The following ADAMTS6 variants were observed in gnomAD, a reference collection of about 807,000 sequenced individuals.
ADAMTS6 encodes the protein A disintegrin and metalloproteinase with thrombospondin motifs 6.
Under a neutral mutation model 144.3 loss-of-function variants are expected in ADAMTS6, and 23 were observed. The observed-to-expected ratio is 0.16, with a 90% CI of 0.11 to 0.23. The LOEUF is 0.23. ADAMTS6 is among the 10% of genes least tolerant of loss of function. The pLI, the probability that ADAMTS6 is intolerant of heterozygous loss-of-function variation, is 1.00. For synonymous variants in ADAMTS6, 444 were observed against 457.5 expected (o/e 0.97, Z 0.38); for missense variants, 999 against 1,379.6 (o/e 0.72, Z 4.37).
At chr5:65,170,397 T>G (rs1449413917) in intron 24 of ADAMTS6, among the ~76,000 whole-genome samples, 1 of 152,204 alleles carries the variant, frequency 6.6e-6, no homozygotes, top group African/African-American at 2.4e-5. Context: ...ATAGATAAAC[T>G]TAGCTCCAGA....
rs565636124 is a variant in ADAMTS6, at chr5:65,226,378, T to C, written c.1934-159A>G. Among the ~76,000 whole-genome samples, 4 of 152,262 alleles carry C rather than the reference T, an allele frequency of 2.6e-5. No homozygotes were observed. In the South Asian group the frequency reaches 8.3e-4, roughly 32 times the overall value. On this transcript the variant is annotated intron_variant, in intron 15 of 24. Transcript: ENST00000381055. ...TTCCCCCTTTTCTAAAATTTCACCT[T>C]TATTTTAATTGGTGGTGCAACTTAA...
chr5:65,408,000 C>T (rs1164809731), intron 7 of ADAMTS6, among the ~76,000 whole-genome samples: 2 of 151,942 alleles, frequency 1.3e-5, no homozygotes, highest in Non-Finnish European at 2.9e-5. Flanking sequence ...GAAAGAAGCA[C>T]TAAACATGGA....
chr5:65,213,325 C>T (rs1580075250), intron 20 of ADAMTS6, among the ~76,000 whole-genome samples: 1 of 151,926 alleles, frequency 6.6e-6, no homozygotes, highest in African/African-American at 2.4e-5. Context: ...TTAATCATTG[C>T]TTTAATTCTG....
chr5:65,167,340 T>C (rs1291791222), intron 24 of ADAMTS6, among the ~76,000 whole-genome samples: 3 of 152,096 alleles, frequency 2.0e-5, no homozygotes, highest in Admixed American at 2.0e-4. Context: ...CAGGAAGAAG[T>C]TGAATCTCTG....
intron 7 of ADAMTS6, among the ~76,000 whole-genome samples, chr5:65,429,680 T>G (rs1223540907): frequency 1.1e-4 from 16 of 152,064 alleles, no homozygotes; most frequent in Non-Finnish European, 1.5e-5. Context: ...TACTGAACAT[T>G]TAATCAGAAG....
intron 12 of ADAMTS6, among the ~76,000 whole-genome samples, chr5:65,272,306 T>C (rs1300611238): frequency 1.3e-5 from 2 of 152,178 alleles, no homozygotes; most frequent in African/African-American, 2.4e-5. Context: ...TCCTATAAAA[T>C]TTTAAGAGTA....
intron 12 of ADAMTS6, among the ~76,000 whole-genome samples, chr5:65,264,428 C>T (rs148173032): frequency 3.0e-4 from 45 of 152,194 alleles, no homozygotes; most frequent in African/African-American, 1.1e-3. Flanking sequence ...CCTTCTACTG[C>T]TGTCTTCTCA....
intron 7 of ADAMTS6, among the ~76,000 whole-genome samples, chr5:65,420,874 T>C (rs1755973381): frequency 6.6e-6 from 1 of 151,960 alleles, no homozygotes; most frequent in Non-Finnish European, 1.5e-5. Context: ...GGAGGATGGA[T>C]AATTATAGGA....
At chr5:65,419,387 G>C (rs1447013708) in intron 7 of ADAMTS6, among the ~76,000 whole-genome samples, 1 of 152,044 alleles carries the variant, frequency 6.6e-6, no homozygotes, top group Admixed American at 6.6e-5. Flanking sequence ...TAGAAATTGA[G>C]AACTACTACA....
At chr5:65,194,438 A>T (rs1561267503) in intron 21 of ADAMTS6, among the ~76,000 whole-genome samples, 1 of 152,200 alleles carries the variant, frequency 6.6e-6, no homozygotes, top group Admixed American at 6.5e-5. Flanking sequence ...GCCCAATGGT[A>T]GTGTTCTGAG....
At chr5:65,397,308 T>G (rs1323527601) in intron 7 of ADAMTS6, among the ~76,000 whole-genome samples, 1 of 152,138 alleles carries the variant, frequency 6.6e-6, no homozygotes, top group Non-Finnish European at 1.5e-5. Context: ...TGTTTTCAAA[T>G]TTATTGATTT....
rs1028011379 is a variant in ADAMTS6, at chr5:65,152,040, T to C, written c.3245-95A>G. The C allele has an allele frequency of 2.7e-5, 29 of 1,064,000 alleles. No homozygotes were observed. The African/African-American group carries it at 3.9e-4, about 14-fold the overall frequency. The allele number at this position is 1,064,000 out of a possible 1,614,324, so 65.9% of individuals were successfully genotyped here. A position where few individuals can be genotyped will look rare whatever the true frequency, so the allele number is the denominator to read the frequency against. ...GCCTGCATGTTCAGCAAGGACCCCCTTTGGGCCAATCCACCTTGGCTTCGA... is the reference window on the plus strand; with the variant it reads ...GCCTGCATGTTCAGCAAGGACCCCCCTTGGGCCAATCCACCTTGGCTTCGA... On this transcript the variant is annotated intron_variant, in intron 24 of 24. Transcript: ENST00000381055.
At chr5:65,390,195 A>C (rs952938155) in intron 7 of ADAMTS6, among the ~76,000 whole-genome samples, 8 of 152,246 alleles carry the variant, frequency 5.3e-5, no homozygotes, top group African/African-American at 1.9e-4. Context: ...ATTTTAGTAT[A>C]GACCAGGTTC....
chr5:65,313,479 G>A (rs1017642794), intron 9 of ADAMTS6, among the ~76,000 whole-genome samples: 3 of 151,934 alleles, frequency 2.0e-5, no homozygotes, highest in Non-Finnish European at 2.9e-5. Context: ...TGAATTCATA[G>A]ATAGCATAAT....
chr5:65,310,893 A>T (rs1339337056), intron 9 of ADAMTS6, among the ~76,000 whole-genome samples: 1 of 152,162 alleles, frequency 6.6e-6, no homozygotes, highest in Non-Finnish European at 1.5e-5. Context: ...AACACTACAC[A>T]TCCCTAGCCT....
intron 4 of ADAMTS6, among the ~76,000 whole-genome samples, chr5:65,454,073 G>A (rs1758981377): frequency 6.6e-6 from 1 of 152,170 alleles, no homozygotes. Flanking sequence ...GTTATTGTGG[G>A]AGTGGGTTCC....
At chr5:65,403,231 T>G (rs1010455094) in intron 7 of ADAMTS6, among the ~76,000 whole-genome samples, 9 of 152,112 alleles carry the variant, frequency 5.9e-5, no homozygotes, top group African/African-American at 2.2e-4. Flanking sequence ...CTTTCTTGAT[T>G]TTCCCTCTTC....
At chr5:65,448,056 T>C (rs1758415823) in intron 7 of ADAMTS6, among the ~76,000 whole-genome samples, 1 of 150,312 alleles carries the variant, frequency 6.7e-6, no homozygotes, top group Non-Finnish European at 1.5e-5. Flanking sequence ...TTATTCATTA[T>C]ATTATATATT....
In ADAMTS6 at chr5:65,200,839, G is replaced by T. The variant is rs149494716; in HGVS notation, c.2576-3688C>A. Among the ~76,000 whole-genome samples the T allele has an allele frequency of 4.6e-5, 7 of 151,760 alleles. No individual in the cohort carries two copies. The East Asian group carries it at 1.4e-3, about 29-fold the overall frequency. ...TATTTACTTTAAACCCTCTACAAAA[G>T]GTATATTCTGTTTAGAGACTTTTAA... On this transcript the variant is annotated intron_variant, in intron 20 of 24. Transcript: ENST00000381055.
Sources: gnomAD v4.1 joint callset for allele counts (sites outside exome capture counted in the v4.1 genomes callset) on GRCh38, gnomAD v4.1.1 for gene constraint, MANE v1.5 for transcripts, NCBI Gene and HGNC (gene_info 2026-07-23, HGNC 2026-07-21) for gene names.